The following SH3BP1 variants were observed in gnomAD, a reference collection of about 807,000 sequenced individuals.
SH3BP1 encodes the protein SH3 domain-binding protein 1.
A neutral mutation model predicts 69.8 loss-of-function variants in SH3BP1; 46 were observed. The observed-to-expected ratio is 0.66, with a 90% CI of 0.52 to 0.84. SH3BP1 has a LOEUF of 0.84. Ranked by LOEUF, SH3BP1 falls within the 40% of genes least tolerant of loss-of-function variation. The pLI, the probability that SH3BP1 is intolerant of heterozygous loss-of-function variation, is 0.00. For synonymous variants in SH3BP1, 403 were observed against 378.0 expected (o/e 1.07, Z -0.77); for missense variants, 868 against 930.9 (o/e 0.93, Z 0.88).
chr22:37,647,608 C>A, intron 13 of SH3BP1, 87 bp downstream of exon 13: 1 of 974,918 alleles, frequency 1.0e-6, no homozygotes, highest in Non-Finnish European at 1.5e-6. Flanking sequence ...TTGAGCCTGG[C>A]CTTGCCACTG....
In SH3BP1 at chr22:37,647,250, C is replaced by A; in HGVS notation, c.1037-17C>A. 1 of 1,612,994 alleles carries A rather than the reference C, an allele frequency of 6.2e-7. No individual in the cohort carries two copies. On this transcript the variant is annotated splice_polypyrimidine_tract_variant and intron_variant, in intron 11 of 17. Transcript: ENST00000649765. ...GGGTGGGGGCTGCCTCTGACCCTCCCCACACCCCTCCTTCAGGTGCCCTCA... is the reference window on the plus strand; with the variant it reads ...GGGTGGGGGCTGCCTCTGACCCTCCACACACCCCTCCTTCAGGTGCCCTCA...
At chr22:37,642,197 A>G (rs1230502987) in intron 3 of SH3BP1, 3 of 334,488 alleles carry the variant, frequency 9.0e-6, no homozygotes, top group Non-Finnish European at 1.7e-5. Context: ...GGACAGGGGA[A>G]AGAGCTCCCG....
chr22:37,644,832 C>A, intron 8 of SH3BP1, 38 bp from the exon 9 acceptor site: 1 of 1,610,338 alleles, frequency 6.2e-7, no homozygotes, highest in Non-Finnish European at 8.5e-7. Context: ...GGCTCAGCTT[C>A]CCCCACTTCC....
Position 37,655,459 on chromosome 22 carries a change from C to A in SH3BP1, c.1881C>A (p.Pro627=). 1 of 1,357,174 alleles carries A rather than the reference C, an allele frequency of 7.4e-7. No homozygotes were observed. Among genetic ancestry groups the A allele is most frequent in the East Asian group, 2.6e-5 (1 of 38,058 alleles). The allele number at this position is 1,357,174 out of a possible 1,614,324, so 84.1% of individuals were successfully genotyped here. A position where few individuals can be genotyped will look rare whatever the true frequency, so the allele number is the denominator to read the frequency against. ...TGCCACCCCCGTTACCCCCCACACC[C>A]CCTCAGCCTGCCCGGCGCCAAAGCC... The part of the protein sequence containing the change: ...PTVPPPLPPT[P]PQPARRQSRR... The change falls in exon 18 of 18, where the codon CCC becomes CCA. Residue 627 remains proline (P), a synonymous_variant. Coordinates refer to ENST00000649765, the MANE Select transcript of SH3BP1 (RefSeq NM_018957.6).
At chr22:37,648,513 G>C (rs530857424) in intron 14 of SH3BP1, 78 bp downstream of exon 14, 7 of 1,045,326 alleles carry the variant, frequency 6.7e-6, no homozygotes, top group Non-Finnish European at 1.0e-5. Context: ...ATTTTTCCCC[G>C]GGGCCTTGGT....
chr22:37,641,326 G>C (rs748091459), intron 2 of SH3BP1, 48 bp from the exon 3 acceptor site: 1 of 1,540,614 alleles, frequency 6.5e-7, no homozygotes, highest in African/African-American at 1.4e-5. Context: ...TTCCTGCTCA[G>C]GGGGAGACAG....
intron 14 of SH3BP1, chr22:37,649,844 C>A: frequency 2.1e-6 from 1 of 486,154 alleles, no homozygotes; most frequent in South Asian, 2.0e-5. Context: ...GAGGAGTCAT[C>A]ATTATTTACC....
chr22:37,643,727 A>C lies in SH3BP1; in HGVS notation c.557A>C (p.Asn186Thr). 6.2e-6 allele frequency: 10 copies of C among 1,614,054 alleles called. No individual in the cohort carries two copies. The highest frequency in any genetic ancestry group is 8.5e-6 in the Non-Finnish European group (10 of 1,180,026). ...PGSHSHTTMANKVETLKEEEE... is the reference protein window; with the variant it reads ...PGSHSHTTMATKVETLKEEEE... The stretch of plus-strand genomic sequence containing the variant: ...AGTCACAGCCATACGACCATGGCCA[A>C]CAAGGTGGAGACGCTGAAGGAGGAG... The change falls in exon 7 of 18, where the codon AAC becomes ACC. Residue 186 changes from asparagine to threonine, a missense_variant. Physicochemically the swap from Asn to Thr is moderately conservative, Grantham distance 65 (BLOSUM62 0). Coordinates refer to ENST00000649765, the MANE Select transcript of SH3BP1 (RefSeq NM_018957.6).
intron 10 of SH3BP1, among the ~76,000 whole-genome samples, chr22:37,646,114 G>A (rs904900208): frequency 1.3e-5 from 2 of 151,356 alleles, no homozygotes; most frequent in Non-Finnish European, 2.9e-5. Flanking sequence ...CTACAGGCAT[G>A]CACCACCACG....
At chr22:37,641,778 G>A (rs1345311418) in intron 3 of SH3BP1, 1 of 355,652 alleles carries the variant, frequency 2.8e-6, no homozygotes, top group African/African-American at 2.1e-5. Context: ...GGCCTCAGAG[G>A]GTTTCCTGAA....
intron 17 of SH3BP1, 118 bp from the exon 18 acceptor site, chr22:37,655,154 C>A: frequency 1.4e-6 from 1 of 717,782 alleles, no homozygotes; most frequent in Non-Finnish European, 2.2e-6. Flanking sequence ...GCCGCAGAAA[C>A]GGTGTTCCCG....
chr22:37,647,280 C>G lies in SH3BP1; in HGVS notation c.1050C>G (p.Ser350=). Residue 350 remains serine, a synonymous_variant, in exon 12 of 18, where the codon TCC becomes TCG. Coordinates refer to ENST00000649765, the MANE Select transcript of SH3BP1 (RefSeq NM_018957.6). ...DPHAVAGALK[S]YLRELPEPLM... is the part of the protein sequence containing the mutation. The stretch of plus-strand genomic sequence containing the variant: ...CCCCTCCTTCAGGTGCCCTCAAGTC[C>G]TATCTGCGGGAGCTGCCAGAGCCTC... 1 of 1,614,050 alleles carries G rather than the reference C, an allele frequency of 6.2e-7. No homozygotes were observed. The highest frequency in any genetic ancestry group is 8.5e-7 in the Non-Finnish European group (1 of 1,179,950).
Position 37,642,523 on chromosome 22 carries a change from C to T in SH3BP1, c.208-16C>T, listed in dbSNP as rs1205877138. The T allele has an allele frequency of 1.2e-6, 2 of 1,612,640 alleles. No individual in the cohort carries two copies. Among genetic ancestry groups the T allele is most frequent in the South Asian group, 2.2e-5 (2 of 91,048 alleles). The stretch of plus-strand genomic sequence containing the variant: ...GGAGGCACGGACACTCATCGCCGGC[C>T]CCACCCTCCCTGCAGAAGAAGCTTC... On this transcript the variant is annotated splice_polypyrimidine_tract_variant and intron_variant, in intron 3 of 17. Coordinates refer to ENST00000649765, the MANE Select transcript of SH3BP1 (RefSeq NM_018957.6).
Position 37,650,617 on chromosome 22 carries a change from A to C in SH3BP1, c.1490A>C (p.Glu497Ala). The change falls in exon 16 of 18, where the codon GAG becomes GCG. Residue 497 changes from glutamate to alanine, a missense_variant. Physicochemically the swap from Glu to Ala is moderately radical, Grantham distance 107. Coordinates refer to ENST00000649765, the MANE Select transcript of SH3BP1 (RefSeq NM_018957.6). ...QDTVSDRLAS[E>A]ELPSTAVPTP... ...ACAGTCAGTGACAGGCTGGCCTCTG[A>C]GGAACTTCCGTCCACTGCCGTGCCC... is the stretch of plus-strand genomic sequence containing the variant. The C allele has an allele frequency of 1.2e-6, 2 of 1,613,972 alleles. No homozygotes were observed. The highest frequency in any genetic ancestry group is 1.6e-4 in the Middle Eastern group (1 of 6,062).
At chr22:37,647,801 G>A (rs1009993358) in intron 13 of SH3BP1, among the ~76,000 whole-genome samples, 2 of 151,548 alleles carry the variant, frequency 1.3e-5, no homozygotes, top group Non-Finnish European at 2.9e-5. Flanking sequence ...TCAGCCTCCC[G>A]AGTAGCTAGG....
chr22:37,655,321 C>G lies in SH3BP1; in HGVS notation c.1743C>G (p.Ser581=). 6.5e-7 allele frequency: 1 copy of G among 1,543,030 alleles called. No homozygotes were observed. Among genetic ancestry groups the G allele is most frequent in the African/African-American group, 1.4e-5 (1 of 71,508 alleles). The part of the protein sequence containing the change: ...ARPTMPPPQV[S]GSRSSPPAPP... ...CCACCATGCCGCCCCCCCAGGTCTC[C>G]GGCTCCCGCTCCTCCCCTCCAGCCC... Residue 581 remains serine (S), a synonymous_variant, in exon 18 of 18, where the codon TCC becomes TCG. Coordinates refer to ENST00000649765, the MANE Select transcript of SH3BP1 (RefSeq NM_018957.6).
intron 3 of SH3BP1, chr22:37,641,923 G>A (rs1237559916): frequency 1.1e-5 from 2 of 181,466 alleles, no homozygotes; most frequent in African/African-American, 2.4e-5. Context: ...CAACCCTAGG[G>A]GCAGGCATTG....
At chr22:37,646,401 GC>G (rs1932786615) in intron 10 of SH3BP1, among the ~76,000 whole-genome samples, 1 of 151,520 alleles carries the variant, frequency 6.6e-6, no homozygotes. Context: ...GATTACAGAT[GC>G]CCACCACCAT....
intron 15 of SH3BP1, 91 bp downstream of exon 15, chr22:37,650,340 AG>A (rs1337347521): frequency 1.3e-6 from 2 of 1,514,346 alleles, no homozygotes; most frequent in Non-Finnish European, 1.8e-6. Flanking sequence ...CCATAAGTCC[AG>A]GAGGAAGTCT....
Sources: gnomAD v4.1 joint callset for allele counts (sites outside exome capture counted in the v4.1 genomes callset) on GRCh38, gnomAD v4.1.1 for gene constraint, MANE v1.5 for transcripts, NCBI Gene and HGNC (gene_info 2026-07-23, HGNC 2026-07-21) for gene names.